Variants in ZNF800 observed in about 807,000 individuals in gnomAD.
The protein encoded by ZNF800 is zinc finger protein 800.
A neutral mutation model predicts 59.5 loss-of-function variants in ZNF800; 13 were observed. The ratio of observed to expected loss-of-function variants is 0.22; its 90% CI spans 0.14 to 0.35. ZNF800 has a LOEUF of 0.35. ZNF800 is among the 10% of genes least tolerant of loss of function. The pLI is 1.00. For missense variants in ZNF800, 621 were observed against 783.7 expected (o/e 0.79, Z 2.48); for synonymous variants, 266 against 265.7 (o/e 1.00, Z -0.01).
chr7:127,384,265 A>C, intron 3 of ZNF800, among the ~76,000 whole-genome samples: 2 of 56,780 alleles, frequency 3.5e-5, no homozygotes, highest in African/African-American at 6.6e-5. Context: ...ACAGAGTCTC[A>C]CTCTTTCCTC....
Position 127,377,952 on chromosome 7 carries a change from C to T in ZNF800, c.158-623G>A, listed in dbSNP as rs1800833035. ...TCTCTACGAAGTAGAGAATCTTTGT[C>T]TATACTGAGACATAATTTTGAACTA... is the stretch of plus-strand genomic sequence containing the variant. On this transcript the variant is annotated intron_variant, in intron 3 of 5. Coordinates refer to ENST00000265827, the MANE Select transcript of ZNF800 (RefSeq NM_176814.5). This position sits in a 1 kb window ranked among gnomAD's most constrained non-coding sequence, Gnocchi z 4.7. Among the ~76,000 whole-genome samples the T allele has an allele frequency of 6.6e-6, 1 of 151,966 alleles. No homozygotes were observed. Among genetic ancestry groups the T allele is most frequent in the Admixed American group, 6.6e-5 (1 of 15,246 alleles).
chr7:127,360,670 T>C (rs1800376605), intron 1 of ZNF800: 1 of 152,030 alleles, frequency 6.6e-6, no homozygotes, highest in African/African-American at 2.4e-5. Context: ...AGATGGAAAC[T>C]TTATTTATAC....
At chr7:127,369,556 C>T (rs1023085478), downstream of ZNF800, among the ~76,000 whole-genome samples, 3 of 152,118 alleles carry the variant, frequency 2.0e-5, no homozygotes, top group Non-Finnish European at 4.4e-5. Context: ...CCTTTCTAAA[C>T]TGGTCCTAGT....
At chr7:127,379,475 T>C (rs1051674282) in intron 3 of ZNF800, among the ~76,000 whole-genome samples, 3 of 152,168 alleles carry the variant, frequency 2.0e-5, no homozygotes, top group Non-Finnish European at 4.4e-5. Context: ...ACCAAAATAA[T>C]GTGAACTCGG....
At position 127,357,804 on chromosome 7, in the gene ZNF800, A is replaced by G. The variant is rs138223086; in HGVS notation, n.225-9761T>C. On this transcript the variant is annotated intron_variant and non_coding_transcript_variant, in intron 1 of 1. Coordinates refer to the ZNF800 transcript ENST00000485577. The stretch of plus-strand genomic sequence containing the variant: ...TTCAGTACTTCTCAGAGTAAAATCA[A>G]ATACATGTTATATTACATATTTTAT... 1.1e-4 allele frequency among the ~76,000 whole-genome samples: 16 copies of G among 152,196 alleles called. No homozygotes were observed. The East Asian group carries it at 2.9e-3, about 28-fold the overall frequency.
chr7:127,353,701 T>C (rs1800214458), intron 1 of ZNF800, among the ~76,000 whole-genome samples: 1 of 152,202 alleles, frequency 6.6e-6, no homozygotes. Context: ...AATATTATCA[T>C]GGACATTTGG....
intron 1 of ZNF800, chr7:127,359,914 T>C (rs1169062747): frequency 1.6e-5 from 1 of 63,770 alleles, no homozygotes; most frequent in African/African-American, 6.9e-5. Context: ...ACACCACACT[T>C]AAATGAAAAA....
chr7:127,383,262 C>G (rs1801024677), intron 3 of ZNF800, among the ~76,000 whole-genome samples: 1 of 150,364 alleles, frequency 6.7e-6, no homozygotes, highest in African/African-American at 2.4e-5. Flanking sequence ...AGGTGAGACA[C>G]AAAAGGAGAT....
intron 2 of ZNF800, among the ~76,000 whole-genome samples, chr7:127,389,469 G>A (rs1157668146): frequency 6.6e-6 from 1 of 152,106 alleles, no homozygotes; most frequent in Non-Finnish European, 1.5e-5. Flanking sequence ...TAATCCAAAT[G>A]TGGACAGATT....
At chr7:127,389,849 T>C in intron 2 of ZNF800, among the ~76,000 whole-genome samples, 1 of 152,120 alleles carries the variant, frequency 6.6e-6, no homozygotes, top group South Asian at 2.1e-4. Flanking sequence ...AACATTTCAA[T>C]ACACGTTAAA....
downstream of ZNF800, among the ~76,000 whole-genome samples, chr7:127,368,488 C>T (rs537459679): frequency 6.6e-6 from 1 of 152,274 alleles, no homozygotes; most frequent in Admixed American, 6.5e-5. Context: ...AATCATAATC[C>T]TGATAATCTA....
At chr7:127,362,142 A>G (rs2117053023) in intron 1 of ZNF800, 1 of 152,264 alleles carries the variant, frequency 6.6e-6, no homozygotes, top group Admixed American at 6.5e-5. Context: ...CACCTTTCCC[A>G]AAAAGCTTTT....
rs1337140772 is a variant in ZNF800, at chr7:127,377,077, T to C, written c.301+109A>G. 4.0e-6 allele frequency: 4 copies of C among 1,000,220 alleles called. No homozygotes were observed. The highest frequency in any genetic ancestry group is 5.2e-5 in the East Asian group (2 of 38,632). The allele number at this position is 1,000,220 out of a possible 1,614,324, so 62.0% of individuals were successfully genotyped here. On this transcript the variant is annotated intron_variant, in intron 4 of 5. Transcript: ENST00000265827. This position sits in a 1 kb window ranked among gnomAD's most constrained non-coding sequence, Gnocchi z 4.7. Reference sequence around the variant, plus strand: ...TCTAAAAATTATCTGTAACTAGACATCATTATCAAATTATCAGTAACTAGA... The same window carrying C: ...TCTAAAAATTATCTGTAACTAGACACCATTATCAAATTATCAGTAACTAGA...
rs1192543294 is a variant in ZNF800, at chr7:127,391,562, A to T, written c.-5T>A. ...GTATTTGTCCCTTAAAGGCATTTTC[A>T]GTGGACTCGACCTACTTTGCTTTCA... On this transcript the variant is annotated 5_prime_UTR_variant, in exon 2 of 6. Transcript: ENST00000265827. 1.2e-6 allele frequency: 2 copies of T among 1,613,968 alleles called. No individual in the cohort carries two copies. Among genetic ancestry groups the T allele is most frequent in the Admixed American group, 3.3e-5 (2 of 59,992 alleles).
chr7:127,343,989 T>C (rs954858759), downstream of ZNF800, among the ~76,000 whole-genome samples: 1 of 152,034 alleles, frequency 6.6e-6, no homozygotes, highest in Non-Finnish European at 1.5e-5. Context: ...TAAAGACCTG[T>C]ATTTCAGTCT....
At chr7:127,353,846 CA>C (rs3993579) in intron 1 of ZNF800, among the ~76,000 whole-genome samples, 19,834 of 150,068 alleles carry the variant, frequency 0.13, 1,581 homozygotes, top group Middle Eastern at 0.21. Context: ...ATAAGCTGGC[CA>C]AAAAAAAAAA....
Position 127,392,323 on chromosome 7 carries a change from T to C in ZNF800, c.-322A>G, listed in dbSNP as rs1007821688. 20 of 379,806 alleles carry C rather than the reference T, an allele frequency of 5.3e-5. No individual in the cohort carries two copies. The highest frequency in any genetic ancestry group is 8.4e-5 in the Non-Finnish European group (18 of 214,158). 23.5% of individuals were successfully genotyped at this position (379,806 alleles called of 1,614,324 possible). Reference sequence around the variant, plus strand: ...CACGGCGTCCTCCGCGCTGTGTGGCTAGGCGGGAGGCGCGCGGGCGGAGGC... The same window carrying C: ...CACGGCGTCCTCCGCGCTGTGTGGCCAGGCGGGAGGCGCGCGGGCGGAGGC... On this transcript the variant is annotated 5_prime_UTR_variant, in exon 1 of 6. Transcript: ENST00000265827.
chr7:127,345,304 C>CG (rs1378488621), downstream of ZNF800, among the ~76,000 whole-genome samples: 3 of 151,374 alleles, frequency 2.0e-5, no homozygotes, highest in Non-Finnish European at 3.0e-5. Flanking sequence ...GACCCCCCCC[C>CG]CAAAGGTAAA....
intron 1 of ZNF800, among the ~76,000 whole-genome samples, chr7:127,355,172 T>C (rs570328264): frequency 6.6e-6 from 1 of 152,030 alleles, no homozygotes; most frequent in South Asian, 2.1e-4. Flanking sequence ...CTTCTAAAAA[T>C]CATCCATAAT....
Sources: gnomAD v4.1 joint callset for allele counts (sites outside exome capture counted in the v4.1 genomes callset) on GRCh38, gnomAD v4.1.1 for gene constraint, Gnocchi (gnomAD v3.1) non-coding constraint, MANE v1.5 for transcripts, NCBI Gene and HGNC (gene_info 2026-07-23, HGNC 2026-07-21) for gene names.